PARD3B: variants seen among roughly 807,000 people sequenced by gnomAD.
The protein encoded by PARD3B is par-3 family cell polarity regulator beta.
PARD3B carries 103 observed loss-of-function variants against 130.2 expected under a neutral mutation model. That is an observed-to-expected ratio of 0.79 (90% CI 0.67 to 0.93). The LOEUF is 0.93. Among genes scored for constraint, PARD3B ranks in the 40% least tolerant of loss-of-function variants. PARD3B has a pLI of 0.00. For synonymous variants in PARD3B, 583 were observed against 553.2 expected, an observed-to-expected ratio of 1.05 and a Z score of -0.76; for missense variants, 1,609 against 1,499.2, an observed-to-expected ratio of 1.07 and a Z score of -1.21.
chr2:205,437,777 C>T (rs537648900), intron 19 of PARD3B, among the ~76,000 whole-genome samples: 1 of 152,196 alleles, frequency 6.6e-6, no homozygotes, highest in African/African-American at 2.4e-5. Flanking sequence ...GAGATTTAAA[C>T]AATTCAAACG....
chr2:205,073,037 A>G (rs1700835620), intron 4 of PARD3B, among the ~76,000 whole-genome samples: 1 of 152,174 alleles, frequency 6.6e-6, no homozygotes, highest in South Asian at 2.1e-4. Flanking sequence ...TCTTTTAAAC[A>G]TTTAAACGGT....
At chr2:204,856,047 T>C (rs936399822) in intron 2 of PARD3B, among the ~76,000 whole-genome samples, 9 of 152,202 alleles carry the variant, frequency 5.9e-5, no homozygotes, top group African/African-American at 2.2e-4. Flanking sequence ...GTTGATTTCA[T>C]TTCCTTTGGA....
chr2:205,453,694 T>C (rs1158633096), intron 20 of PARD3B, among the ~76,000 whole-genome samples: 1 of 152,206 alleles, frequency 6.6e-6, no homozygotes, highest in African/African-American at 2.4e-5. Flanking sequence ...TACACCCTAT[T>C]AGTACCTCTT....
rs1224815805 is a variant in PARD3B, at chr2:204,689,182, CTT to C, written c.222+2903_222+2904del. Among the ~76,000 whole-genome samples the C allele has an allele frequency of 1.3e-5, 2 of 152,156 alleles. No homozygotes were observed. Among genetic ancestry groups the C allele is most frequent in the Admixed American group, 1.3e-4 (2 of 15,262 alleles). On this transcript the variant is annotated intron_variant, in intron 2 of 22. Coordinates refer to ENST00000406610, the MANE Select transcript of PARD3B (RefSeq NM_001302769.2). The surrounding 1 kb of genome is among the most constrained non-coding windows in gnomAD (Gnocchi z 5.2). ...TTCAGCCAGTGTTCTTAAGAAATGA[CTT>C]TTAAAACTTGTGCCTAAAGTGGTTT...
At chr2:204,560,669 G>A (rs2031250492) in intron 1 of PARD3B, among the ~76,000 whole-genome samples, 1 of 152,130 alleles carries the variant, frequency 6.6e-6, no homozygotes, top group Non-Finnish European at 1.5e-5. Context: ...TAGAATTGTG[G>A]GAAGTTTCTC....
At chr2:204,548,785 A>G (rs1160862886) in intron 1 of PARD3B, among the ~76,000 whole-genome samples, 1 of 152,218 alleles carries the variant, frequency 6.6e-6, no homozygotes, top group African/African-American at 2.4e-5. Flanking sequence ...TAGGATTTGC[A>G]AATCAACTAT....
chr2:205,347,649 A>G (rs2043842400), intron 18 of PARD3B, among the ~76,000 whole-genome samples: 1 of 152,174 alleles, frequency 6.6e-6, no homozygotes, highest in African/African-American at 2.4e-5. Context: ...TTAATGAAAG[A>G]TTTTTTTGTC....
intron 2 of PARD3B, among the ~76,000 whole-genome samples, chr2:204,772,527 T>G (rs1331363103): frequency 1.3e-5 from 2 of 152,102 alleles, no homozygotes; most frequent in Non-Finnish European, 2.9e-5. Context: ...ATGGTTTGAC[T>G]CCTCAGCAAC....
chr2:204,921,572 G>T (rs1436577816), intron 2 of PARD3B, among the ~76,000 whole-genome samples: 1 of 152,118 alleles, frequency 6.6e-6, no homozygotes, highest in Non-Finnish European at 1.5e-5. Context: ...CAAAATTAGA[G>T]ACAGGAGAGG....
chr2:204,616,896 A>G (rs989574069), intron 1 of PARD3B, among the ~76,000 whole-genome samples: 13 of 152,186 alleles, frequency 8.5e-5, no homozygotes, highest in African/African-American at 3.1e-4. Flanking sequence ...ATTACATTAG[A>G]TTTGGCCAAT....
chr2:204,990,935 C>T (rs1410667177), intron 3 of PARD3B, among the ~76,000 whole-genome samples: 1 of 152,122 alleles, frequency 6.6e-6, no homozygotes, highest in Non-Finnish European at 1.5e-5. Context: ...TACACGTGAT[C>T]AATTGTCAGG....
intron 2 of PARD3B, among the ~76,000 whole-genome samples, chr2:204,941,066 T>A (rs553707872): frequency 1.3e-5 from 2 of 152,334 alleles, no homozygotes; most frequent in East Asian, 3.9e-4. Context: ...ATCCTAGTAA[T>A]TGATAAACCT....
At chr2:204,707,070 G>C (rs538992030) in intron 2 of PARD3B, among the ~76,000 whole-genome samples, 2 of 152,220 alleles carry the variant, frequency 1.3e-5, no homozygotes, top group East Asian at 1.9e-4. Context: ...GGATTTTTTT[G>C]AGCAGGGGAG....
At chr2:204,859,232 A>G (rs2045084906) in intron 2 of PARD3B, among the ~76,000 whole-genome samples, 1 of 152,164 alleles carries the variant, frequency 6.6e-6, no homozygotes, top group South Asian at 2.1e-4. Context: ...TGGTATTCGG[A>G]AGTATTCGAC....
intron 2 of PARD3B, among the ~76,000 whole-genome samples, chr2:204,891,930 T>C (rs975758477): frequency 2.0e-5 from 3 of 152,218 alleles, no homozygotes; most frequent in Non-Finnish European, 2.9e-5. Flanking sequence ...CATTGAAAAT[T>C]ACCATGTCTT....
chr2:204,965,317 A>C lies in PARD3B; in HGVS notation c.388A>C (p.Lys130Gln), dbSNP rs759150150. Residue 130 changes from lysine to glutamine, a missense_variant, in exon 3 of 23, where the codon AAA (lysine) becomes CAA (glutamine). Transcript: ENST00000406610. ...GATTGAAGTAACCCCTTCTGCTCTAAAACTAGGTATGTGTAATGTTTATGA... is the reference window on the plus strand; with the variant it reads ...GATTGAAGTAACCCCTTCTGCTCTACAACTAGGTATGTGTAATGTTTATGA... ...GEIEVTPSAL[K>Q]LGTPLLVRRS... The C allele has an allele frequency of 4.9e-5, 79 of 1,613,580 alleles. No individual in the cohort carries two copies. Among genetic ancestry groups the C allele is most frequent in the Non-Finnish European group, 6.5e-5 (77 of 1,179,768 alleles).
At chr2:205,063,469 G>A (rs895263157) in intron 4 of PARD3B, among the ~76,000 whole-genome samples, 1 of 152,106 alleles carries the variant, frequency 6.6e-6, no homozygotes, top group African/African-American at 2.4e-5. Context: ...ATGCTTAGGA[G>A]TTTGTTATGA....
intron 11 of PARD3B, among the ~76,000 whole-genome samples, chr2:205,162,843 C>T (rs1320415489): frequency 3.3e-5 from 5 of 152,146 alleles, no homozygotes; most frequent in East Asian, 3.9e-4. Flanking sequence ...CTAAATGATC[C>T]GTCTGAAGAT....
intron 16 of PARD3B, among the ~76,000 whole-genome samples, chr2:205,261,515 A>C (rs1474893557): frequency 6.6e-6 from 1 of 152,176 alleles, no homozygotes; most frequent in Non-Finnish European, 1.5e-5. Flanking sequence ...CTCTTTTGAC[A>C]AGACAATCCA....
Sources: gnomAD v4.1 joint callset for allele counts (sites outside exome capture counted in the v4.1 genomes callset) on GRCh38, gnomAD v4.1.1 for gene constraint, Gnocchi (gnomAD v3.1) non-coding constraint, MANE v1.5 for transcripts, NCBI Gene and HGNC (gene_info 2026-07-23, HGNC 2026-07-21) for gene names.